Variants in MDGA2 observed in about 807,000 individuals in gnomAD.
The protein encoded by MDGA2 is MAM domain containing glycosylphosphatidylinositol anchor 2, also known as MAM domain-containing glycosylphosphatidylinositol anchor protein 2.
Under a neutral mutation model 117.8 loss-of-function variants are expected in MDGA2, and 40 were observed. The observed-to-expected ratio is 0.34, with a 90% CI of 0.26 to 0.44. MDGA2 has a LOEUF of 0.44. Ranked by LOEUF, MDGA2 falls within the 20% of genes least tolerant of loss-of-function variation. MDGA2 has a pLI of 1.00. For synonymous variants in MDGA2, 452 were observed against 439.0 expected (o/e 1.03, Z -0.37); for missense variants, 1,123 against 1,250.6 (o/e 0.90, Z 1.54).
intron 3 of MDGA2, among the ~76,000 whole-genome samples, chr14:47,173,024 C>A (rs11625528): frequency 1.6e-4 from 25 of 151,812 alleles, no homozygotes; most frequent in Non-Finnish European, 2.8e-4. Context: ...GGAGCCGATG[C>A]GATCAACTGG....
chr14:47,582,103 TAC>T (rs1217148766), intron 1 of MDGA2, among the ~76,000 whole-genome samples: 1 of 151,928 alleles, frequency 6.6e-6, no homozygotes, highest in Non-Finnish European at 1.5e-5. Context: ...GTGTTTGATA[TAC>T]AGTAAAGATT....
At chr14:47,162,420 C>T (rs1230045736) in intron 3 of MDGA2, among the ~76,000 whole-genome samples, 1 of 152,118 alleles carries the variant, frequency 6.6e-6, no homozygotes, top group Non-Finnish European at 1.5e-5. Context: ...TTGCTGTCTT[C>T]TTCTTTAATA....
chr14:47,525,545 C>T (rs767186317), intron 1 of MDGA2, among the ~76,000 whole-genome samples: 13 of 151,952 alleles, frequency 8.6e-5, no homozygotes, highest in Non-Finnish European at 1.9e-4. Context: ...ATTATCCGGG[C>T]GTGGTGGCAC....
intron 1 of MDGA2, among the ~76,000 whole-genome samples, chr14:47,565,070 A>C (rs770043718): frequency 6.0e-5 from 9 of 151,092 alleles, no homozygotes; most frequent in Non-Finnish European, 1.2e-4. Flanking sequence ...CTGGATGTTG[A>C]TTATCTTTGC....
intron 7 of MDGA2, among the ~76,000 whole-genome samples, chr14:47,054,438 C>T (rs1889591659): frequency 6.6e-6 from 1 of 151,114 alleles, no homozygotes; most frequent in Non-Finnish European, 1.5e-5. Context: ...CATCATTTAG[C>T]ATTAGGTATA....
chr14:47,166,792 C>A (rs951887287), intron 3 of MDGA2, among the ~76,000 whole-genome samples: 1 of 152,192 alleles, frequency 6.6e-6, no homozygotes, highest in African/African-American at 2.4e-5. Context: ...ATATTACACA[C>A]GACTCCAGTT....
chr14:47,000,801 G>A (rs1009296305), intron 8 of MDGA2, among the ~76,000 whole-genome samples: 2 of 151,864 alleles, frequency 1.3e-5, no homozygotes, highest in African/African-American at 4.8e-5. Context: ...TGACTTTTCA[G>A]AGATAATGTT....
At chr14:47,136,381 G>C (rs1361573143) in intron 4 of MDGA2, among the ~76,000 whole-genome samples, 1 of 151,724 alleles carries the variant, frequency 6.6e-6, no homozygotes, top group Non-Finnish European at 1.5e-5. Flanking sequence ...ATTTTTAGTA[G>C]AGACGGGATT....
At chr14:47,672,324 C>A (rs1898089534) in intron 1 of MDGA2, among the ~76,000 whole-genome samples, 1 of 152,118 alleles carries the variant, frequency 6.6e-6, no homozygotes. Context: ...GAAAAAGACC[C>A]CCACTTTCAT....
chr14:47,086,108 T>G (rs1467623420), intron 6 of MDGA2, among the ~76,000 whole-genome samples: 1 of 125,202 alleles, frequency 8.0e-6, no homozygotes, highest in Non-Finnish European at 1.8e-5. Context: ...TTTTTTTTTG[T>G]TTTTTGTTTT....
At chr14:47,478,414 T>G (rs1038343356) in intron 1 of MDGA2, among the ~76,000 whole-genome samples, 11 of 152,216 alleles carry the variant, frequency 7.2e-5, no homozygotes, top group Admixed American at 3.3e-4. Context: ...TCTCTCTCTG[T>G]CACCCAGGCT....
chr14:47,484,167 T>A lies in MDGA2; in HGVS notation c.281-182617A>T, dbSNP rs983087584. 2.0e-5 allele frequency among the ~76,000 whole-genome samples: 3 copies of A among 152,134 alleles called. No individual in the cohort carries two copies. In the East Asian group the frequency reaches 5.8e-4, roughly 29 times the overall value. On this transcript the variant is annotated intron_variant, in intron 1 of 16. Coordinates refer to ENST00000399232, the MANE Select transcript of MDGA2 (RefSeq NM_001113498.3). ...TTTTTGATATTTTTTGAGATAGCTA[T>A]TTTTTACAAAGTTTTAGCTTTATAC...
intron 1 of MDGA2, among the ~76,000 whole-genome samples, chr14:47,639,978 G>GT (rs1455011364): frequency 1.3e-5 from 2 of 152,196 alleles, no homozygotes; most frequent in African/African-American, 2.4e-5. Flanking sequence ...AGAATGGAAG[G>GT]TAAGTATATA....
intron 1 of MDGA2, among the ~76,000 whole-genome samples, chr14:47,627,271 C>A (rs1310947148): frequency 6.6e-6 from 1 of 151,406 alleles, no homozygotes; most frequent in East Asian, 2.0e-4. Flanking sequence ...ACTTGGAGAA[C>A]CTTTATGTCT....
chr14:47,097,107 T>C lies in MDGA2; in HGVS notation c.942A>G (p.Lys314=), dbSNP rs769297515. ...CAACTATAGGATCATCCACCAAGAG[T>C]TTAATTGACGGTGATGCTAAAAGAC... ...LSNKTASPSI[K]LLVDDPIVVN... Residue 314 remains lysine (K), a synonymous_variant, in exon 6 of 17, where the codon AAA becomes AAG. Transcript: ENST00000399232. 32 of 1,611,220 alleles carry C rather than the reference T, an allele frequency of 2.0e-5. No individual in the cohort carries two copies. Among genetic ancestry groups the C allele is most frequent in the Non-Finnish European group, 2.5e-5 (29 of 1,178,410 alleles).
At chr14:47,608,118 A>G (rs1391002320) in intron 1 of MDGA2, among the ~76,000 whole-genome samples, 7 of 152,142 alleles carry the variant, frequency 4.6e-5, no homozygotes, top group Non-Finnish European at 1.0e-4. Flanking sequence ...CAATAAAATA[A>G]CAGTTTAATC....
chr14:47,049,888 C>T (rs113444293), intron 7 of MDGA2, among the ~76,000 whole-genome samples: 1 of 152,014 alleles, frequency 6.6e-6, no homozygotes, highest in East Asian at 1.9e-4. Context: ...CAACTCTTTC[C>T]CTCCCCTGCA....
chr14:47,434,068 A>T (rs947812878), intron 1 of MDGA2, among the ~76,000 whole-genome samples: 3 of 152,082 alleles, frequency 2.0e-5, no homozygotes, highest in African/African-American at 4.8e-5. Flanking sequence ...GAAAAAAGTC[A>T]CTCTGATAGC....
At chr14:47,409,872 C>G (rs894353676) in intron 1 of MDGA2, among the ~76,000 whole-genome samples, 1 of 152,044 alleles carries the variant, frequency 6.6e-6, no homozygotes, top group South Asian at 2.1e-4. Context: ...ACAGCGTGGA[C>G]CAATTCAATA....
Sources: allele counts gnomAD v4.1 joint callset (sites outside exome capture counted in the v4.1 genomes callset), GRCh38; gene constraint gnomAD v4.1.1; transcripts MANE v1.5; gene names NCBI Gene and HGNC (gene_info 2026-07-23, HGNC 2026-07-21).